CCDC149: variants seen among roughly 807,000 people sequenced by gnomAD.
The protein encoded by CCDC149 is coiled-coil domain containing 149.
In CCDC149, 45 loss-of-function variants were observed where a neutral mutation model predicts 59.9. The observed-to-expected ratio is 0.75, with a 90% CI of 0.59 to 0.96. CCDC149 has a LOEUF of 0.96. Among genes scored for constraint, CCDC149 ranks in the 40% least tolerant of loss-of-function variants. CCDC149 has a pLI of 0.00. For missense variants in CCDC149, 584 were observed against 664.7 expected (o/e 0.88, Z 1.33); for synonymous variants, 245 against 260.6 (o/e 0.94, Z 0.58).
chr4:24,928,835 G>A (rs1722503343), intron 1 of CCDC149, among the ~76,000 whole-genome samples: 1 of 152,150 alleles, frequency 6.6e-6, no homozygotes, highest in Non-Finnish European at 1.5e-5. Flanking sequence ...GAGTCCAGAA[G>A]GTCAGGAAGG....
chr4:24,903,180 A>G (rs1302764131), intron 1 of CCDC149, among the ~76,000 whole-genome samples: 1 of 152,092 alleles, frequency 6.6e-6, no homozygotes, highest in Non-Finnish European at 1.5e-5. Flanking sequence ...TACGTCTAAG[A>G]AAGGCATAGC....
intron 1 of CCDC149, chr4:24,979,993 A>C (rs1705641082): frequency 6.6e-6 from 1 of 152,254 alleles, no homozygotes; most frequent in Non-Finnish European, 1.5e-5. Context: ...GTTATTTTAT[A>C]TAATCTGTAT....
At chr4:24,862,222 A>G (rs1048749870) in intron 3 of CCDC149, among the ~76,000 whole-genome samples, 1 of 152,200 alleles carries the variant, frequency 6.6e-6, no homozygotes, top group Admixed American at 6.5e-5. Context: ...AGGCACCCTA[A>G]GACCTGACGA....
intron 8 of CCDC149, among the ~76,000 whole-genome samples, chr4:24,831,888 G>A (rs145423217): frequency 9.5e-4 from 145 of 152,296 alleles, no homozygotes; most frequent in African/African-American, 3.4e-3. Context: ...AATAATATTT[G>A]CATTTGTCTA....
intron 1 of CCDC149, chr4:24,895,180 C>T (rs774236975): frequency 7.6e-5 from 53 of 697,824 alleles, no homozygotes; most frequent in Non-Finnish European, 1.2e-4. Flanking sequence ...TAATGGTTAC[C>T]TCTGGGTGAG....
intron 1 of CCDC149, among the ~76,000 whole-genome samples, chr4:24,971,819 C>G (rs1032600530): frequency 1.3e-5 from 2 of 152,184 alleles, no homozygotes; most frequent in Non-Finnish European, 1.5e-5. Context: ...TGATAAGAAA[C>G]ATTTACAATC....
chr4:24,816,926 T>C (rs1463715568), intron 12 of CCDC149, among the ~76,000 whole-genome samples: 1 of 152,202 alleles, frequency 6.6e-6, no homozygotes, highest in Non-Finnish European at 1.5e-5. Context: ...TGATAGGCTT[T>C]GTCCTCCCAA....
At chr4:24,972,412 A>G (rs1723998861) in intron 1 of CCDC149, among the ~76,000 whole-genome samples, 1 of 151,818 alleles carries the variant, frequency 6.6e-6, no homozygotes, top group African/African-American at 2.4e-5. Flanking sequence ...TGCTCAAGCC[A>G]TCCTCCCACC....
At chr4:24,972,757 G>C (rs1251967410) in intron 1 of CCDC149, among the ~76,000 whole-genome samples, 1 of 152,142 alleles carries the variant, frequency 6.6e-6, no homozygotes, top group Non-Finnish European at 1.5e-5. Context: ...AGATAAAGAA[G>C]GAAATCAAAA....
At chr4:24,884,367 C>T (rs1037888666) in intron 1 of CCDC149, among the ~76,000 whole-genome samples, 1 of 152,190 alleles carries the variant, frequency 6.6e-6, no homozygotes, top group African/African-American at 2.4e-5. Flanking sequence ...CCTCGGGATG[C>T]AGCGGACTAT....
chr4:24,871,685 G>A (rs1268131492), intron 3 of CCDC149, among the ~76,000 whole-genome samples: 3 of 152,128 alleles, frequency 2.0e-5, no homozygotes, highest in Admixed American at 1.3e-4. Context: ...CAGGCAGAAA[G>A]GCTGCAGAGC....
At chr4:24,889,958 T>C (rs1720434221) in intron 1 of CCDC149, among the ~76,000 whole-genome samples, 1 of 152,216 alleles carries the variant, frequency 6.6e-6, no homozygotes. Context: ...GTAATCGTGC[T>C]TCCACTTTAT....
chr4:24,936,847 T>C (rs945414908), intron 1 of CCDC149, among the ~76,000 whole-genome samples: 10 of 152,246 alleles, frequency 6.6e-5, no homozygotes, highest in African/African-American at 2.4e-4. Context: ...CAGCAAAGAA[T>C]GGCCTGAGAG....
In CCDC149 at chr4:24,937,706, G is replaced by A. The variant is rs368677223; in HGVS notation, c.-65+42363C>T. The stretch of plus-strand genomic sequence containing the variant: ...TACACCCTGTCCCTTTAATGCTCTG[G>A]CTTGTAAGTGATGTGCATCACTTCT... On this transcript the variant is annotated intron_variant, in intron 1 of 12. Coordinates refer to the CCDC149 transcript ENST00000389609. 3.3e-5 allele frequency among the ~76,000 whole-genome samples: 5 copies of A among 152,286 alleles called. No homozygotes were observed. The East Asian group carries it at 9.7e-4, about 29-fold the overall frequency.
intron 1 of CCDC149, among the ~76,000 whole-genome samples, chr4:24,905,169 G>T (rs975976768): frequency 1.3e-5 from 2 of 151,766 alleles, no homozygotes; most frequent in Non-Finnish European, 2.9e-5. Flanking sequence ...AAAGTGCTGG[G>T]ATTACAGGAG....
chr4:24,918,322 G>A (rs758620345), intron 1 of CCDC149, among the ~76,000 whole-genome samples: 29 of 152,180 alleles, frequency 1.9e-4, no homozygotes, highest in Non-Finnish European at 3.1e-4. Flanking sequence ...AGGTGAAAAG[G>A]TGGCATTTCA....
rs966352252 is a variant in CCDC149, at chr4:24,807,664, A to C, written c.*725T>G. 1 of 152,068 alleles carries C rather than the reference A, an allele frequency of 6.6e-6. No individual in the cohort carries two copies. The highest frequency in any genetic ancestry group is 1.5e-5 in the Non-Finnish European group (1 of 68,058). The allele number at this position is 152,068 out of a possible 1,614,324, so 9.4% of individuals were successfully genotyped here. On this transcript the variant is annotated 3_prime_UTR_variant, in exon 13 of 13. Coordinates refer to ENST00000635206, the MANE Select transcript of CCDC149 (RefSeq NM_001330643.2). ...GTCCTGTTCCCCGGCTTTTATGCTC[A>C]CCCCTCCCAGTCACTTCAGATCAGT...
chr4:24,854,033 T>G (rs1717847580), intron 3 of CCDC149, among the ~76,000 whole-genome samples: 1 of 152,176 alleles, frequency 6.6e-6, no homozygotes, highest in African/African-American at 2.4e-5. Context: ...GGCCAGTCCA[T>G]CAGCCAGCCT....
chr4:24,940,609 TA>T (rs1363476744), intron 1 of CCDC149, among the ~76,000 whole-genome samples: 1 of 152,134 alleles, frequency 6.6e-6, no homozygotes, highest in Non-Finnish European at 1.5e-5. Flanking sequence ...GCAAATTGGA[TA>T]AAGAGTCAAG....
Sources: gnomAD v4.1 joint callset for allele counts (sites outside exome capture counted in the v4.1 genomes callset) on GRCh38, gnomAD v4.1.1 for gene constraint, MANE v1.5 for transcripts, NCBI Gene and HGNC (gene_info 2026-07-23, HGNC 2026-07-21) for gene names.